Variants in PI4K2B observed in about 807,000 individuals in gnomAD.
PI4K2B encodes the protein phosphatidylinositol 4-kinase type 2-beta.
PI4K2B carries 46 observed loss-of-function variants against 56.6 expected under a neutral mutation model. The observed-to-expected ratio is 0.81, with a 90% CI of 0.64 to 1.04. PI4K2B has a LOEUF of 1.04. Among genes scored for constraint, PI4K2B ranks in the 50% least tolerant of loss-of-function variants. The pLI is 0.00. For missense variants in PI4K2B, 556 were observed against 607.7 expected, an observed-to-expected ratio of 0.91 and a Z score of 0.89; for synonymous variants, 211 against 223.8, an observed-to-expected ratio of 0.94 and a Z score of 0.51.
chr4:25,239,797 A>G (rs537962697), intron 1 of PI4K2B, among the ~76,000 whole-genome samples: 122 of 152,306 alleles, frequency 8.0e-4, no homozygotes, highest in Middle Eastern at 6.8e-3. Flanking sequence ...TCACCTCTCA[A>G]TCCCCCCTCT....
At chr4:25,252,824 T>C (rs1449217607) in intron 2 of PI4K2B, among the ~76,000 whole-genome samples, 3 of 151,848 alleles carry the variant, frequency 2.0e-5, no homozygotes, top group Non-Finnish European at 4.4e-5. Flanking sequence ...TATATTGCCC[T>C]GGCTGGTCTT....
intron 1 of PI4K2B, among the ~76,000 whole-genome samples, chr4:25,235,747 G>GT (rs1158120851): frequency 1.3e-5 from 2 of 152,164 alleles, no homozygotes; most frequent in African/African-American, 2.4e-5. Context: ...CTTACCTTGT[G>GT]TAAGCTACCT....
At chr4:25,268,323 A>T in intron 7 of PI4K2B, 120 bp from the exon 8 acceptor site, 2 of 766,072 alleles carry the variant, frequency 2.6e-6, no homozygotes, top group Non-Finnish European at 4.3e-6. Flanking sequence ...TACTCTGATT[A>T]AGTTCTTATC....
intron 9 of PI4K2B, among the ~76,000 whole-genome samples, chr4:25,270,999 G>A (rs781096248): frequency 6.6e-5 from 10 of 152,152 alleles, no homozygotes; most frequent in Non-Finnish European, 1.2e-4. Context: ...ACTAGTCACT[G>A]GAGATAAAGC....
intron 9 of PI4K2B, 70 bp downstream of exon 9, chr4:25,269,273 C>A: frequency 1.2e-6 from 1 of 840,280 alleles, no homozygotes; most frequent in Non-Finnish European, 2.0e-6. Flanking sequence ...GTTTTCCCCA[C>A]TGTGATCTGG....
chr4:25,276,174 A>G (rs1717084887), intron 9 of PI4K2B: 1 of 152,510 alleles, frequency 6.6e-6, no homozygotes, highest in Non-Finnish European at 1.5e-5. Flanking sequence ...TTTTCCTAAT[A>G]TGCAGGGAAA....
At chr4:25,267,349 TTC>T (rs1480676147) in intron 7 of PI4K2B, among the ~76,000 whole-genome samples, 15 of 152,248 alleles carry the variant, frequency 9.9e-5, no homozygotes, top group South Asian at 8.3e-4. Flanking sequence ...GGGAAATGCT[TTC>T]TTTAGAATGA....
At chr4:25,244,916 T>C (rs1393104242) in intron 1 of PI4K2B, among the ~76,000 whole-genome samples, 1 of 152,224 alleles carries the variant, frequency 6.6e-6, no homozygotes, top group African/African-American at 2.4e-5. Context: ...CTAAGCATTC[T>C]CCTGTTAGTA....
At chr4:25,260,386 T>C (rs574356332) in intron 5 of PI4K2B, 138 bp from the exon 6 acceptor site, 2 of 387,218 alleles carry the variant, frequency 5.2e-6, no homozygotes, top group Non-Finnish European at 9.9e-6. Context: ...TTTCTTTGTG[T>C]TAAATTGTGA....
chr4:25,244,653 A>G (rs538680181), intron 1 of PI4K2B, among the ~76,000 whole-genome samples: 5 of 152,098 alleles, frequency 3.3e-5, no homozygotes, highest in Non-Finnish European at 7.4e-5. Flanking sequence ...GAGTCTGTTG[A>G]TGCCTGAGTG....
chr4:25,267,290 G>C (rs1716700751), intron 7 of PI4K2B, among the ~76,000 whole-genome samples: 2 of 152,174 alleles, frequency 1.3e-5, no homozygotes, highest in Non-Finnish European at 1.5e-5. Context: ...AATTATTCAG[G>C]GAAAACTAAA....
At position 25,234,379 on chromosome 4, in the gene PI4K2B, G is replaced by T; in HGVS notation, c.216G>T (p.Gly72=). 7.1e-7 allele frequency: 1 copy of T among 1,403,314 alleles called. No individual in the cohort carries two copies. Among genetic ancestry groups the T allele is most frequent in the Non-Finnish European group, 9.3e-7 (1 of 1,077,838 alleles). The allele number at this position is 1,403,314 out of a possible 1,614,324, so 86.9% of individuals were successfully genotyped here. The change falls in exon 1 of 10, where the codon GGG becomes GGT. Residue 72 remains glycine, a synonymous_variant. Transcript: ENST00000264864. ...TGCCCCTCCCGCCCGGGGACGTGGGGGTCTCCCGGAGTTCGTCCGCCGAGC... is the reference window on the plus strand; with the variant it reads ...TGCCCCTCCCGCCCGGGGACGTGGGTGTCTCCCGGAGTTCGTCCGCCGAGC... ...EELPLPPGDV[G]VSRSSSAELD...
intron 1 of PI4K2B, among the ~76,000 whole-genome samples, chr4:25,241,400 C>T (rs1238768173): frequency 6.6e-6 from 1 of 152,170 alleles, no homozygotes; most frequent in Non-Finnish European, 1.5e-5. Flanking sequence ...GTTAAGGGGA[C>T]TTCTAAGAGA....
chr4:25,257,912 G>T (rs1243955474), intron 4 of PI4K2B, among the ~76,000 whole-genome samples: 1 of 152,146 alleles, frequency 6.6e-6, no homozygotes, highest in African/African-American at 2.4e-5. Context: ...TTTCATGCCA[G>T]CAACAAAAAC....
At chr4:25,249,781 G>A (rs544890391) in intron 1 of PI4K2B, among the ~76,000 whole-genome samples, 4 of 152,116 alleles carry the variant, frequency 2.6e-5, no homozygotes, top group African/African-American at 4.8e-5. Context: ...GACGATGGGC[G>A]GCCAGGCAGA....
chr4:25,261,282 C>T (rs1716468397), intron 6 of PI4K2B, among the ~76,000 whole-genome samples: 1 of 151,966 alleles, frequency 6.6e-6, no homozygotes, highest in African/African-American at 2.4e-5. Flanking sequence ...ATCTTGTCCA[C>T]TGAACTTAAA....
chr4:25,272,684 A>G (rs1716944613), intron 9 of PI4K2B, among the ~76,000 whole-genome samples: 1 of 152,068 alleles, frequency 6.6e-6, no homozygotes, highest in Non-Finnish European at 1.5e-5. Context: ...TCTCTTAAGA[A>G]GAAGGGAAAA....
rs1301365577 is a variant in PI4K2B at position 25,252,320 on chromosome 4, G to C, written c.269-1G>C. 16 of 1,605,954 alleles carry C rather than the reference G, an allele frequency of 1.0e-5. No homozygotes were observed. In the East Asian group the frequency reaches 3.3e-4, roughly 34 times the overall value. On this transcript the variant is annotated splice_acceptor_variant, in intron 1 of 9. Coordinates refer to ENST00000264864, the MANE Select transcript of PI4K2B (RefSeq NM_018323.4). LOFTEE classifies it high-confidence loss of function. ...ATAGCTGGTATTTCTTCTTAATGCA[G>C]TAACTATTGGTACTTCAGAGATGAA...
At chr4:25,239,150 C>A (rs1715403770) in intron 1 of PI4K2B, among the ~76,000 whole-genome samples, 1 of 152,244 alleles carries the variant, frequency 6.6e-6, no homozygotes, top group African/African-American at 2.4e-5. Context: ...TCTAAGTCCC[C>A]ACTAGACTCA....
Sources: allele counts gnomAD v4.1 joint callset (sites outside exome capture counted in the v4.1 genomes callset), GRCh38; gene constraint gnomAD v4.1.1; transcripts MANE v1.5; gene names NCBI Gene and HGNC (gene_info 2026-07-23, HGNC 2026-07-21).